EYA2: variants seen among roughly 807,000 people sequenced by gnomAD.
The protein encoded by EYA2 is protein phosphatase EYA2.
EYA2 carries 31 observed loss-of-function variants against 69.2 expected under a neutral mutation model. The observed-to-expected ratio is 0.45, with a 90% confidence interval of 0.34 to 0.60. The LOEUF is 0.60. Ranked by LOEUF, EYA2 falls within the 20% of genes least tolerant of loss-of-function variation. The pLI is 0.02. For missense variants in EYA2, 622 were observed against 701.2 expected (o/e 0.89, Z 1.28); for synonymous variants, 257 against 279.4 (o/e 0.92, Z 0.80).
intron 15 of EYA2, 55 bp downstream of exon 15, chr20:47,183,446 G>A: frequency 1.3e-6 from 2 of 1,494,510 alleles, no homozygotes; most frequent in Non-Finnish European, 1.8e-6. Flanking sequence ...CACCCCTCGT[G>A]GTCTTCAAGG....
chr20:47,147,426 G>A (rs2033725309), intron 10 of EYA2, among the ~76,000 whole-genome samples: 1 of 152,208 alleles, frequency 6.6e-6, no homozygotes, highest in Admixed American at 6.5e-5. Flanking sequence ...GGTGAAGAGT[G>A]TTCCAGATAG....
chr20:47,062,285 C>A (rs1329063771), intron 5 of EYA2, among the ~76,000 whole-genome samples: 1 of 152,210 alleles, frequency 6.6e-6, no homozygotes, highest in South Asian at 2.1e-4. Context: ...GTCCATTAAA[C>A]ATATCCATCT....
At position 47,117,501 on chromosome 20, in the gene EYA2, G is replaced by C. The variant is rs79076174; in HGVS notation, c.888+20333G>C. ...TCTCCGTTCCACCACAGTCCTCCCC[G>C]ATTCCTCCGCGGGTGTTATTACGTG... On this transcript the variant is annotated intron_variant, in intron 9 of 15. Coordinates refer to ENST00000327619, the MANE Select transcript of EYA2 (RefSeq NM_005244.5). 5,186 of 985,278 alleles carry C rather than the reference G, an allele frequency of 5.3e-3. 195 individuals are homozygous for C. The African/African-American group carries it at 0.08, about 15-fold the overall frequency. 61.0% of individuals were successfully genotyped at this position (985,278 alleles called of 1,614,324 possible). A position where few individuals can be genotyped will look rare whatever the true frequency, so the allele number is the denominator to read the frequency against.
At chr20:46,980,831 C>T (rs545420900) in intron 1 of EYA2, among the ~76,000 whole-genome samples, 98 of 152,278 alleles carry the variant, frequency 6.4e-4, no homozygotes, top group Admixed American at 6.3e-3. Flanking sequence ...TTTTAGCTCC[C>T]ACATGTGATT....
At chr20:47,080,993 T>C (rs767370307) in intron 7 of EYA2, among the ~76,000 whole-genome samples, 3 of 152,162 alleles carry the variant, frequency 2.0e-5, no homozygotes, top group Admixed American at 1.3e-4. Context: ...GCCTCTCAAG[T>C]AGTTGGGACT....
At chr20:47,086,406 C>T (rs1156509197) in intron 7 of EYA2, among the ~76,000 whole-genome samples, 1 of 152,206 alleles carries the variant, frequency 6.6e-6, no homozygotes, top group Non-Finnish European at 1.5e-5. Context: ...CTCATCATTC[C>T]TCAGGCTGTA....
intron 7 of EYA2, among the ~76,000 whole-genome samples, chr20:47,088,119 C>T (rs1357702765): frequency 1.3e-5 from 2 of 152,152 alleles, no homozygotes; most frequent in Non-Finnish European, 2.9e-5. Context: ...CCTATAATCC[C>T]AGCTACTTGG....
chr20:47,185,404 G>A (rs2034620754), intron 15 of EYA2, among the ~76,000 whole-genome samples: 1 of 145,388 alleles, frequency 6.9e-6, no homozygotes, highest in East Asian at 2.1e-4. Flanking sequence ...AGGTTCAAGC[G>A]ATTCTTGTGC....
chr20:47,072,116 C>A, intron 5 of EYA2, 69 bp from the exon 6 acceptor site: 1 of 1,425,370 alleles, frequency 7.0e-7, no homozygotes, highest in Non-Finnish European at 9.9e-7. Context: ...TCATGAAATG[C>A]TAACAACTGC....
At chr20:47,026,914 G>T (rs1984121214) in intron 5 of EYA2, among the ~76,000 whole-genome samples, 1 of 152,158 alleles carries the variant, frequency 6.6e-6, no homozygotes. Context: ...TTTCAATATG[G>T]ACAATTGATA....
At chr20:46,971,670 C>T (rs13041611) in intron 1 of EYA2, among the ~76,000 whole-genome samples, 59,797 of 152,110 alleles carry the variant, frequency 0.39, 12,475 homozygotes, top group Non-Finnish European at 0.46. Context: ...TGATAATTAG[C>T]ACAGATCAGT....
At chr20:47,130,564 C>T (rs1184758146) in intron 9 of EYA2, among the ~76,000 whole-genome samples, 1 of 151,746 alleles carries the variant, frequency 6.6e-6, no homozygotes, top group Non-Finnish European at 1.5e-5. Flanking sequence ...CGCGCCCGGC[C>T]GAGAAGGTTT....
intron 4 of EYA2, among the ~76,000 whole-genome samples, chr20:47,006,599 C>T (rs1982730509): frequency 6.6e-6 from 1 of 152,232 alleles, no homozygotes; most frequent in African/African-American, 2.4e-5. Context: ...TTCCTCCATA[C>T]CTCTGCCCTG....
At chr20:47,179,500 G>A (rs6018323) in intron 12 of EYA2, among the ~76,000 whole-genome samples, 23,027 of 134,680 alleles carry the variant, frequency 0.17, 5,167 homozygotes, top group African/African-American at 0.51. Context: ...GATGGATATT[G>A]GGTGGATGGA....
At chr20:47,185,561 CA>C (rs898314244) in intron 15 of EYA2, among the ~76,000 whole-genome samples, 2 of 152,078 alleles carry the variant, frequency 1.3e-5, no homozygotes, top group African/African-American at 4.8e-5. Flanking sequence ...CTCAGCCTCC[CA>C]AAGTACTGGG....
At chr20:46,912,672 G>A (rs922927631) in intron 1 of EYA2, among the ~76,000 whole-genome samples, 4 of 150,022 alleles carry the variant, frequency 2.7e-5, no homozygotes, top group African/African-American at 9.8e-5. Flanking sequence ...GTAGAACAGG[G>A]AAGAGGAATT....
chr20:47,108,892 G>A lies in EYA2; in HGVS notation c.888+11724G>A, dbSNP rs180912690. Among the ~76,000 whole-genome samples the A allele has an allele frequency of 2.9e-3, 438 of 152,068 alleles. 3 individuals are homozygous for A. The highest frequency in any genetic ancestry group is 4.2e-3 in the South Asian group (20 of 4,804). On this transcript the variant is annotated intron_variant, in intron 9 of 15. Transcript: ENST00000327619. ...TTAAGGAGCCCCTCTGGCTCTCCCC[G>A]GGGAGAGGAGAGTAGAAAGTGGCCA... is the stretch of plus-strand genomic sequence containing the variant.
rs977461633 is a variant in EYA2 at position 47,188,485 on chromosome 20, C to A, written c.*352C>A. The A allele has an allele frequency of 1.9e-6, 1 of 535,128 alleles. No individual in the cohort carries two copies. Among genetic ancestry groups the A allele is most frequent in the Admixed American group, 3.2e-5 (1 of 31,710 alleles). The allele number at this position is 535,128 out of a possible 1,614,324, so 33.1% of individuals were successfully genotyped here. ...TCTTGTCTTCTTTTTAATTTATGGA[C>A]TAGTCTCATTACTCCGGAATTATGC... On this transcript the variant is annotated 3_prime_UTR_variant, in exon 16 of 16. Transcript: ENST00000327619.
At chr20:47,181,014 T>C in intron 14 of EYA2, 78 bp downstream of exon 14, 1 of 1,552,482 alleles carries the variant, frequency 6.4e-7, no homozygotes, top group African/African-American at 1.4e-5. Context: ...ATGGGGTGTT[T>C]AAGGAACATG....
Sources: gnomAD v4.1 joint callset for allele counts (sites outside exome capture counted in the v4.1 genomes callset) on GRCh38, gnomAD v4.1.1 for gene constraint, MANE v1.5 for transcripts, NCBI Gene and HGNC (gene_info 2026-07-23, HGNC 2026-07-21) for gene names.